The following CAMK1D variants were observed in gnomAD, a reference collection of about 807,000 sequenced individuals.
The protein encoded by CAMK1D is calcium/calmodulin dependent protein kinase ID, also known as calcium/calmodulin-dependent protein kinase type 1D.
In CAMK1D, 9 loss-of-function variants were observed where a neutral mutation model predicts 47.7. The observed-to-expected ratio is 0.19, with a 90% CI of 0.11 to 0.33. CAMK1D has a LOEUF of 0.33. Among genes scored for constraint, CAMK1D ranks in the 10% least tolerant of loss-of-function variants. The probability of loss-of-function intolerance (pLI) is 1.00; values close to 1 mark genes in which losing one functional copy is unlikely to be tolerated. For synonymous variants in CAMK1D, 184 were observed against 184.9 expected, an observed-to-expected ratio of 0.99 and a Z score of 0.04; for missense variants, 291 against 488.7, an observed-to-expected ratio of 0.60 and a Z score of 3.81.
intron 8 of CAMK1D, among the ~76,000 whole-genome samples, chr10:12,823,087 C>A (rs1833069323): frequency 6.6e-6 from 1 of 152,142 alleles, no homozygotes. Context: ...TGTTTGCAGT[C>A]CTGATGGGAA....
At chr10:12,524,984 T>G (rs570275611) in intron 1 of CAMK1D, among the ~76,000 whole-genome samples, 1 of 152,320 alleles carries the variant, frequency 6.6e-6, no homozygotes, top group South Asian at 2.1e-4. Flanking sequence ...CCTTTATTTC[T>G]AAATGGTATT....
At chr10:12,722,403 G>A (rs996402069) in intron 3 of CAMK1D, among the ~76,000 whole-genome samples, 10 of 116,784 alleles carry the variant, frequency 8.6e-5, no homozygotes, top group Non-Finnish European at 1.5e-4. Flanking sequence ...CCAAGATTGT[G>A]CCACTGCACC....
At chr10:12,704,638 T>C (rs1021892142) in intron 3 of CAMK1D, among the ~76,000 whole-genome samples, 2 of 152,298 alleles carry the variant, frequency 1.3e-5, no homozygotes, top group African/African-American at 2.4e-5. Flanking sequence ...TTATGGATGA[T>C]TGACAGTTTA....
At chr10:12,529,759 G>A (rs1456101367) in intron 1 of CAMK1D, among the ~76,000 whole-genome samples, 1 of 152,162 alleles carries the variant, frequency 6.6e-6, no homozygotes, top group Non-Finnish European at 1.5e-5. Flanking sequence ...AAAAATACGA[G>A]TGCTGGGAAA....
chr10:12,632,119 C>A (rs913123558), intron 2 of CAMK1D, among the ~76,000 whole-genome samples: 1 of 152,230 alleles, frequency 6.6e-6, no homozygotes, highest in Admixed American at 6.5e-5. Context: ...ACGTCTCATT[C>A]AACTCACTAC....
chr10:12,814,101 C>T, intron 6 of CAMK1D, 94 bp from the exon 7 acceptor site: 1 of 824,396 alleles, frequency 1.2e-6, no homozygotes, highest in Non-Finnish European at 2.0e-6. Context: ...ATTTTCTTAA[C>T]TCAGTTGGTA....
intron 2 of CAMK1D, among the ~76,000 whole-genome samples, chr10:12,623,079 T>TCCTTCCTCCCTC (rs1839053279): frequency 1.2e-5 from 1 of 83,418 alleles, no homozygotes; most frequent in Non-Finnish European, 2.4e-5. Flanking sequence ...CTCCCTTCCT[T>TCCTTCCTCCCTC]CCTTCCTCCC....
chr10:12,625,916 G>A (rs1839200457), intron 2 of CAMK1D, among the ~76,000 whole-genome samples: 1 of 152,156 alleles, frequency 6.6e-6, no homozygotes, highest in African/African-American at 2.4e-5. Flanking sequence ...AGGATCTGTA[G>A]AAAACAGCCA....
chr10:12,351,794 A>G (rs1203401080), intron 1 of CAMK1D, among the ~76,000 whole-genome samples: 1 of 152,178 alleles, frequency 6.6e-6, no homozygotes, highest in Admixed American at 6.5e-5. Flanking sequence ...CTTGGACTCC[A>G]GCCATGTTCC....
chr10:12,548,025 G>A (rs181814197), intron 1 of CAMK1D, among the ~76,000 whole-genome samples: 40 of 152,284 alleles, frequency 2.6e-4, no homozygotes, highest in East Asian at 2.5e-3. Flanking sequence ...TGCTTGCCAC[G>A]CACACGCCCT....
At chr10:12,387,397 T>TATTTTATATA (rs199871181) in intron 1 of CAMK1D, among the ~76,000 whole-genome samples, 56 of 83,736 alleles carry the variant, frequency 6.7e-4, no homozygotes, top group South Asian at 2.2e-3. Flanking sequence ...ATATTATATA[T>TATTTTATATA]TTTTATATAT....
chr10:12,617,566 G>A (rs886989495), intron 2 of CAMK1D, among the ~76,000 whole-genome samples: 2 of 152,164 alleles, frequency 1.3e-5, no homozygotes, highest in African/African-American at 4.8e-5. Flanking sequence ...TTTCGGGGGA[G>A]CCGTTTCTTC....
At chr10:12,707,874 G>A (rs2130742074) in intron 3 of CAMK1D, among the ~76,000 whole-genome samples, 1 of 152,264 alleles carries the variant, frequency 6.6e-6, no homozygotes, top group South Asian at 2.1e-4. Flanking sequence ...TCCCTCCAAG[G>A]CCTTCTGTTG....
At chr10:12,362,109 A>G (rs1322451243) in intron 1 of CAMK1D, among the ~76,000 whole-genome samples, 2 of 152,194 alleles carry the variant, frequency 1.3e-5, no homozygotes, top group Admixed American at 6.5e-5. Context: ...AAAACTTGCC[A>G]TCGTAACCAT....
intron 2 of CAMK1D, among the ~76,000 whole-genome samples, chr10:12,578,282 A>G: frequency 6.6e-6 from 1 of 152,136 alleles, no homozygotes; most frequent in East Asian, 1.9e-4. Context: ...ACAGTGGCTC[A>G]CGCCTGTAAT....
chr10:12,449,304 G>T (rs1833012306), intron 1 of CAMK1D, among the ~76,000 whole-genome samples: 1 of 152,068 alleles, frequency 6.6e-6, no homozygotes, highest in South Asian at 2.1e-4. Flanking sequence ...TGTGTGAAGG[G>T]CCCCGTCGTC....
Position 12,793,470 on chromosome 10 carries a change from G to A in CAMK1D, c.641+2237G>A, listed in dbSNP as rs189458638. 5.3e-5 allele frequency among the ~76,000 whole-genome samples: 8 copies of A among 152,350 alleles called. No homozygotes were observed. The East Asian group carries it at 1.5e-3, about 29-fold the overall frequency. On this transcript the variant is annotated intron_variant, in intron 6 of 10. Coordinates refer to ENST00000619168, the MANE Select transcript of CAMK1D (RefSeq NM_153498.4). Reference sequence around the variant, plus strand: ...ACTGGGATAAGCAGTTTAAAACTAAGCAATGATGTCTTAGTCAGATCAGGC... The same window carrying A: ...ACTGGGATAAGCAGTTTAAAACTAAACAATGATGTCTTAGTCAGATCAGGC...
chr10:12,473,988 A>G (rs748786232), intron 1 of CAMK1D, among the ~76,000 whole-genome samples: 1 of 152,166 alleles, frequency 6.6e-6, no homozygotes, highest in Non-Finnish European at 1.5e-5. Context: ...AGTTAATAAC[A>G]AAACTAATGG....
intron 6 of CAMK1D, among the ~76,000 whole-genome samples, chr10:12,794,830 T>A (rs1319136127): frequency 6.6e-6 from 1 of 152,152 alleles, no homozygotes; most frequent in Non-Finnish European, 1.5e-5. Flanking sequence ...AAATCCTGGG[T>A]ATGATTGACC....
Sources: allele counts gnomAD v4.1 joint callset (sites outside exome capture counted in the v4.1 genomes callset), GRCh38; gene constraint gnomAD v4.1.1; transcripts MANE v1.5; gene names NCBI Gene and HGNC (gene_info 2026-07-23, HGNC 2026-07-21).